The following SPAG16 variants were observed in gnomAD, a reference collection of about 807,000 sequenced individuals.
The protein encoded by SPAG16 is sperm associated antigen 16.
In SPAG16, 86 loss-of-function variants were observed where a neutral mutation model predicts 80.4. The observed-to-expected ratio is 1.07, with a 90% CI of 0.90 to 1.28. The LOEUF (loss-of-function observed/expected upper bound fraction) is 1.28, where lower values mean the gene tolerates loss of function less well. SPAG16 is among the 50% of genes most tolerant of loss of function. The pLI, the probability that SPAG16 is intolerant of heterozygous loss-of-function variation, is 0.00. For synonymous variants in SPAG16, 294 were observed against 265.9 expected (o/e 1.11, Z -1.03); for missense variants, 870 against 765.3 (o/e 1.14, Z -1.61).
At chr2:214,129,928 G>A (rs760090967) in intron 14 of SPAG16, among the ~76,000 whole-genome samples, 2 of 152,036 alleles carry the variant, frequency 1.3e-5, no homozygotes, top group South Asian at 2.1e-4. Flanking sequence ...AATACTTACC[G>A]GTATTAACAA....
chr2:213,748,622 A>C (rs1387108554), intron 10 of SPAG16, among the ~76,000 whole-genome samples: 1 of 152,196 alleles, frequency 6.6e-6, no homozygotes, highest in Admixed American at 6.5e-5. Flanking sequence ...ATAAATAAGA[A>C]AGGAAATCTG....
chr2:214,124,739 C>A (rs7600945), intron 14 of SPAG16, among the ~76,000 whole-genome samples: 2,875 of 151,820 alleles, frequency 0.019, 101 homozygotes, highest in African/African-American at 0.066. Flanking sequence ...AAACCACGGG[C>A]AGAACAAGAG....
At position 214,106,359 on chromosome 2, in the gene SPAG16, G is replaced by A. The variant is rs143386803; in HGVS notation, c.1528-1837G>A. ...TGATTTGAAGTTCTTAGCATAATTG[G>A]TTTAAAGTTATAACAGTGTCAAGAT... On this transcript the variant is annotated intron_variant, in intron 13 of 15. Transcript: ENST00000331683. Among the ~76,000 whole-genome samples the A allele has an allele frequency of 7.1e-3, 1,076 of 152,168 alleles. 12 individuals are homozygous for A. Among genetic ancestry groups the A allele is most frequent in the African/African-American group, 0.025 (1,027 of 41,518 alleles).
At chr2:213,328,649 A>G (rs1167387683) in intron 5 of SPAG16, among the ~76,000 whole-genome samples, 1 of 152,136 alleles carries the variant, frequency 6.6e-6, no homozygotes, top group Non-Finnish European at 1.5e-5. Flanking sequence ...CCTGAGCCTT[A>G]GGAATGAGGA....
chr2:214,015,633 G>A (rs550080398), intron 13 of SPAG16, among the ~76,000 whole-genome samples: 21 of 151,916 alleles, frequency 1.4e-4, no homozygotes, highest in African/African-American at 5.1e-4. Flanking sequence ...GAAAGGGCTG[G>A]TTTCTGTTTA....
At chr2:214,009,048 T>G (rs1398952540) in intron 12 of SPAG16, among the ~76,000 whole-genome samples, 2 of 152,170 alleles carry the variant, frequency 1.3e-5, no homozygotes, top group Non-Finnish European at 2.9e-5. Flanking sequence ...TCCAGAGTAT[T>G]CTTTCTAGCA....
At chr2:213,882,428 T>A (rs1411742734) in intron 11 of SPAG16, among the ~76,000 whole-genome samples, 1 of 152,220 alleles carries the variant, frequency 6.6e-6, no homozygotes, top group Non-Finnish European at 1.5e-5. Context: ...AGAATTCAGC[T>A]GTAAATATAA....
At chr2:213,999,785 G>A (rs1006465248) in intron 12 of SPAG16, among the ~76,000 whole-genome samples, 1 of 152,240 alleles carries the variant, frequency 6.6e-6, no homozygotes, top group African/African-American at 2.4e-5. Flanking sequence ...TGACCTGGAT[G>A]TGAGACTTGG....
intron 13 of SPAG16, among the ~76,000 whole-genome samples, chr2:214,033,815 T>A (rs1449518205): frequency 1.3e-5 from 2 of 152,202 alleles, no homozygotes; most frequent in African/African-American, 2.4e-5. Context: ...CAGGGTATAA[T>A]ATCTAAAAAC....
At chr2:213,672,182 T>G (rs964437965) in intron 10 of SPAG16, among the ~76,000 whole-genome samples, 1 of 152,122 alleles carries the variant, frequency 6.6e-6, no homozygotes, top group Non-Finnish European at 1.5e-5. Flanking sequence ...TGATTTTTTT[T>G]TTTTCATTTC....
At chr2:214,186,727 G>A (rs1481675708) in intron 15 of SPAG16, among the ~76,000 whole-genome samples, 3 of 151,854 alleles carry the variant, frequency 2.0e-5, no homozygotes, top group African/African-American at 7.3e-5. Context: ...GCTCAATACA[G>A]AAACATGCAA....
intron 15 of SPAG16, among the ~76,000 whole-genome samples, chr2:214,201,177 A>G (rs1031489975): frequency 1.3e-5 from 2 of 152,230 alleles, no homozygotes; most frequent in Non-Finnish European, 2.9e-5. Flanking sequence ...ACAATTAAGT[A>G]GCATAAATTC....
chr2:214,117,412 C>T (rs935614399), intron 14 of SPAG16, among the ~76,000 whole-genome samples: 3 of 152,096 alleles, frequency 2.0e-5, no homozygotes, highest in Admixed American at 2.0e-4. Flanking sequence ...CTGAATTCTA[C>T]CAAACATGTA....
At chr2:214,311,122 G>A (rs1326838752) in intron 15 of SPAG16, among the ~76,000 whole-genome samples, 3 of 138,236 alleles carry the variant, frequency 2.2e-5, no homozygotes, top group African/African-American at 5.9e-5. Flanking sequence ...GCAGAACAGT[G>A]CCCCCTTTGG....
rs577562389 is a variant in SPAG16 at position 213,711,567 on chromosome 2, G to C, written c.1071-150918G>C. 4.0e-5 allele frequency among the ~76,000 whole-genome samples: 6 copies of C among 150,248 alleles called. No individual in the cohort carries two copies. The East Asian group carries it at 1.2e-3, about 29-fold the overall frequency. On this transcript the variant is annotated intron_variant, in intron 10 of 15. Transcript: ENST00000331683. ...AGACAGAGTCTTGCTCTGTTGCTCA[G>C]GCTGGAGTACAATGGTGCAATCTTG... is the stretch of plus-strand genomic sequence containing the variant.
At chr2:214,046,820 T>C (rs2049349791) in intron 13 of SPAG16, among the ~76,000 whole-genome samples, 1 of 151,980 alleles carries the variant, frequency 6.6e-6, no homozygotes, top group East Asian at 1.9e-4. Flanking sequence ...CTGTTAAAAC[T>C]TATAAACAAA....
chr2:213,437,859 G>A (rs1286013186), intron 9 of SPAG16, among the ~76,000 whole-genome samples: 1 of 152,188 alleles, frequency 6.6e-6, no homozygotes, highest in East Asian at 1.9e-4. Context: ...AGTTAATACA[G>A]TAAATAGCTC....
At chr2:214,233,519 A>G (rs1310578834) in intron 15 of SPAG16, among the ~76,000 whole-genome samples, 1 of 152,080 alleles carries the variant, frequency 6.6e-6, no homozygotes, top group Non-Finnish European at 1.5e-5. Flanking sequence ...AAGGTACATC[A>G]TAAAGGGTCA....
chr2:213,367,157 T>C (rs1445151258), intron 8 of SPAG16, among the ~76,000 whole-genome samples: 1 of 152,218 alleles, frequency 6.6e-6, no homozygotes, highest in Non-Finnish European at 1.5e-5. Context: ...ATGGTGTATA[T>C]GTCCCACATT....
Sources: gnomAD v4.1 joint callset for allele counts (sites outside exome capture counted in the v4.1 genomes callset) on GRCh38, gnomAD v4.1.1 for gene constraint, MANE v1.5 for transcripts, NCBI Gene and HGNC (gene_info 2026-07-23, HGNC 2026-07-21) for gene names.